TRAF3IP1: variants seen among roughly 807,000 people sequenced by gnomAD.
TRAF3IP1 encodes intraflagellar transport 54.
A neutral mutation model predicts 89.9 loss-of-function variants in TRAF3IP1; 53 were observed. The ratio of observed to expected loss-of-function variants is 0.59; its 90% CI spans 0.47 to 0.74. The LOEUF (loss-of-function observed/expected upper bound fraction) is 0.74, where lower values mean the gene tolerates loss of function less well. Ranked by LOEUF, TRAF3IP1 falls within the 30% of genes least tolerant of loss-of-function variation. The probability of loss-of-function intolerance (pLI) is 0.00; values close to 1 mark genes in which losing one functional copy is unlikely to be tolerated. For missense variants in TRAF3IP1, 806 were observed against 866.1 expected (o/e 0.93, Z 0.87); for synonymous variants, 311 against 322.1 (o/e 0.97, Z 0.37).
chr2:238,368,363 C>T (rs551195343), intron 15 of TRAF3IP1, among the ~76,000 whole-genome samples: 12 of 152,262 alleles, frequency 7.9e-5, no homozygotes, highest in African/African-American at 2.6e-4. Flanking sequence ...CTATTTATAG[C>T]AGTGATGCAT....
At chr2:238,323,939 G>C (rs1697685579) in intron 1 of TRAF3IP1, among the ~76,000 whole-genome samples, 1 of 152,174 alleles carries the variant, frequency 6.6e-6, no homozygotes, top group African/African-American at 2.4e-5. Flanking sequence ...GGGATGATTA[G>C]GGAGAGAACC....
intron 15 of TRAF3IP1, among the ~76,000 whole-genome samples, chr2:238,394,790 C>G (rs1166124420): frequency 6.6e-6 from 1 of 152,218 alleles, no homozygotes; most frequent in Admixed American, 6.5e-5. Flanking sequence ...GATCTTCATA[C>G]ATAAATCATT....
chr2:238,338,043 G>A (rs150367142), intron 7 of TRAF3IP1, among the ~76,000 whole-genome samples: 1 of 152,242 alleles, frequency 6.6e-6, no homozygotes, highest in African/African-American at 2.4e-5. Flanking sequence ...GAACTCCAGA[G>A]CTTGCTGTGG....
intron 7 of TRAF3IP1, among the ~76,000 whole-genome samples, chr2:238,336,134 T>C (rs943718458): frequency 1.3e-5 from 2 of 152,198 alleles, no homozygotes; most frequent in African/African-American, 4.8e-5. Context: ...TTGATTCTTT[T>C]GGCTTTCCTA....
intron 15 of TRAF3IP1, among the ~76,000 whole-genome samples, chr2:238,388,374 C>CA (rs71043134): frequency 0.35 from 35,857 of 101,572 alleles, 6,836 homozygotes; most frequent in Middle Eastern, 0.47. Context: ...GACCCTGTCT[C>CA]AAAAAAAAAA....
chr2:238,365,080 A>G (rs1181521536), intron 15 of TRAF3IP1, among the ~76,000 whole-genome samples: 1 of 152,256 alleles, frequency 6.6e-6, no homozygotes, highest in East Asian at 1.9e-4. Context: ...TCAGTGGCAT[A>G]TAACAAATAG....
At chr2:238,385,399 T>C (rs2106370440) in intron 15 of TRAF3IP1, among the ~76,000 whole-genome samples, 1 of 152,350 alleles carries the variant, frequency 6.6e-6, no homozygotes, top group African/African-American at 2.4e-5. Context: ...CTAGTCAGTG[T>C]ACTTTCTCTT....
intron 15 of TRAF3IP1, among the ~76,000 whole-genome samples, chr2:238,388,395 A>T (rs1469115992): frequency 7.9e-6 from 1 of 126,430 alleles, no homozygotes; most frequent in African/African-American, 2.8e-5. Flanking sequence ...AAAAAAAAGG[A>T]TGTGTTTGCA....
At chr2:238,374,649 G>C (rs913455001) in intron 15 of TRAF3IP1, among the ~76,000 whole-genome samples, 1 of 152,208 alleles carries the variant, frequency 6.6e-6, no homozygotes, top group African/African-American at 2.4e-5. Flanking sequence ...CTCATAAAAT[G>C]AGTTAGGGAG....
chr2:238,367,071 G>C (rs1699908088), intron 15 of TRAF3IP1, among the ~76,000 whole-genome samples: 1 of 144,430 alleles, frequency 6.9e-6, no homozygotes, highest in Non-Finnish European at 1.5e-5. Context: ...GGCTGAGGCA[G>C]GAGAATCGCT....
At chr2:238,328,200 C>T (rs1446360575) in intron 3 of TRAF3IP1, among the ~76,000 whole-genome samples, 1 of 152,186 alleles carries the variant, frequency 6.6e-6, no homozygotes, top group East Asian at 1.9e-4. Flanking sequence ...TACATTTCCA[C>T]CAACAGTGCA....
In TRAF3IP1 at chr2:238,398,907, T is replaced by G. The variant is rs762512625; in HGVS notation, c.2064T>G (p.Thr688=). 1.2e-6 allele frequency: 2 copies of G among 1,601,714 alleles called. No homozygotes were observed. The highest frequency in any genetic ancestry group is 1.7e-6 in the Non-Finnish European group (2 of 1,176,924). Reference sequence around the variant, plus strand: ...AAATGGTATATAGTATCAATTTGACTTCGAGAAGGTGAACACTCAAAAGTT... The same window carrying G: ...AAATGGTATATAGTATCAATTTGACGTCGAGAAGGTGAACACTCAAAAGTT... ...IQKMVYSINL[T]SRR is the part of the protein sequence containing the mutation. Residue 688 remains threonine, a synonymous_variant, in exon 17 of 17, where the codon ACT becomes ACG. Transcript: ENST00000373327.
chr2:238,360,734 A>C (rs1366886739), intron 15 of TRAF3IP1, among the ~76,000 whole-genome samples: 2 of 152,112 alleles, frequency 1.3e-5, no homozygotes, highest in Non-Finnish European at 2.9e-5. Context: ...ACAAAAAATT[A>C]GCTGGGCATA....
At chr2:238,395,856 G>A (rs1256436683) in intron 15 of TRAF3IP1, among the ~76,000 whole-genome samples, 1 of 152,094 alleles carries the variant, frequency 6.6e-6, no homozygotes, top group South Asian at 2.1e-4. Context: ...TTAGAATGGC[G>A]ATCATTAAAA....
chr2:238,371,873 A>C (rs1420361662), intron 15 of TRAF3IP1, among the ~76,000 whole-genome samples: 2 of 152,236 alleles, frequency 1.3e-5, no homozygotes, highest in African/African-American at 4.8e-5. Context: ...GAAAATATTA[A>C]ATTACGTATA....
Position 238,397,536 on chromosome 2 carries a change from C to T in TRAF3IP1, c.1767C>T (p.Ser589=), listed in dbSNP as rs201183706. 10 of 1,613,102 alleles carry T rather than the reference C, an allele frequency of 6.2e-6. No individual in the cohort carries two copies. In the African/African-American group the frequency reaches 1.2e-4, roughly 19 times the overall value. The stretch of plus-strand genomic sequence containing the variant: ...AGGAGATAGAGAAGCTCCGCACGTC[C>T]ATCCAGACCCTGTGCAAGAGCGCAC... ...VSKEIEKLRT[S]IQTLCKSALP... The change falls in exon 16 of 17, where the codon TCC becomes TCT. Residue 589 remains serine, a synonymous_variant. Transcript: ENST00000373327.
At chr2:238,325,282 G>T (rs1178545105) in intron 1 of TRAF3IP1, 24 bp from the exon 2 acceptor site, 1 of 1,613,256 alleles carries the variant, frequency 6.2e-7, no homozygotes, top group Admixed American at 1.7e-5. Flanking sequence ...AGGTGACATG[G>T]TGGCCTTTCT....
intron 12 of TRAF3IP1, among the ~76,000 whole-genome samples, chr2:238,349,781 A>G (rs1006965523): frequency 2.0e-5 from 3 of 152,242 alleles, no homozygotes; most frequent in African/African-American, 7.2e-5. Flanking sequence ...TCAAAATGTT[A>G]TAAGCAGGCT....
chr2:238,376,309 T>G (rs1700313867), intron 15 of TRAF3IP1, among the ~76,000 whole-genome samples: 1 of 152,234 alleles, frequency 6.6e-6, no homozygotes, highest in African/African-American at 2.4e-5. Flanking sequence ...GCTCATGGGC[T>G]ATAGAGAAAT....
Sources: allele counts gnomAD v4.1 joint callset (sites outside exome capture counted in the v4.1 genomes callset), GRCh38; gene constraint gnomAD v4.1.1; transcripts MANE v1.5; gene names NCBI Gene and HGNC (gene_info 2026-07-23, HGNC 2026-07-21).